Variants in LRRC51 observed in about 807,000 individuals in gnomAD.
LRRC51 encodes leucine rich repeat containing 51, also known as leucine-rich repeat-containing protein 51.
In LRRC51, 8 loss-of-function variants were observed where a neutral mutation model predicts 17.8. That is an observed-to-expected ratio of 0.45 (90% confidence interval 0.26 to 0.81). The LOEUF is 0.81. LRRC51 is among the 30% of genes least tolerant of loss of function. The pLI, the probability that LRRC51 is intolerant of heterozygous loss-of-function variation, is 0.17. For synonymous variants in LRRC51, 92 were observed against 96.0 expected (o/e 0.96, Z 0.24); for missense variants, 233 against 239.3 (o/e 0.97, Z 0.17).
At chr11:72,094,315 G>T in intron 4 of LRRC51, 1 of 201,652 alleles carries the variant, frequency 5.0e-6, no homozygotes, top group Non-Finnish European at 1.0e-5. Context: ...GAAAATACAT[G>T]AAAACCAACA....
In LRRC51 at chr11:72,096,814, G is replaced by A. The variant is rs1591171848; in HGVS notation, c.*1294G>A. 7.5e-7 allele frequency: 1 copy of A among 1,341,390 alleles called. No individual in the cohort carries two copies. Among genetic ancestry groups the A allele is most frequent in the Non-Finnish European group, 9.7e-7 (1 of 1,026,884 alleles). 83.1% of individuals were successfully genotyped at this position (1,341,390 alleles called of 1,614,324 possible). Reference sequence around the variant, plus strand: ...CTGAAACCAGCCCCCACTTCAATCAGATCAAAGTAATTCCATTCTGTTTTA... The same window carrying A: ...CTGAAACCAGCCCCCACTTCAATCAAATCAAAGTAATTCCATTCTGTTTTA... On this transcript the variant is annotated 3_prime_UTR_variant, in exon 6 of 6. Coordinates refer to ENST00000289488, the MANE Select transcript of LRRC51 (RefSeq NM_145309.6).
At chr11:72,083,541 C>T (rs899151469) in intron 1 of LRRC51, among the ~76,000 whole-genome samples, 1 of 152,076 alleles carries the variant, frequency 6.6e-6, no homozygotes, top group Admixed American at 6.6e-5. Context: ...TAAGCACCTA[C>T]TACTTGCCGG....
rs865854415 is a variant in LRRC51, at chr11:72,095,070, C to T, written c.411C>T (p.Asn137=). The stretch of plus-strand genomic sequence containing the variant: ...TCCGTAGCCTGACACTCCATGGGAA[C>T]CCCATGGAGGAAGAGAAAGGGTATA... ...PRLRSLTLHG[N]PMEEEKGYRQ... The change falls in exon 5 of 6, where the codon AAC becomes AAT. Residue 137 remains asparagine (N), a synonymous_variant. Coordinates refer to ENST00000289488, the MANE Select transcript of LRRC51 (RefSeq NM_145309.6). 1.9e-6 allele frequency: 3 copies of T among 1,613,778 alleles called. No individual in the cohort carries two copies. Among genetic ancestry groups the T allele is most frequent in the Non-Finnish European group, 2.5e-6 (3 of 1,179,894 alleles).
chr11:72,084,836 C>CAAAAAA (rs386374128), intron 1 of LRRC51, among the ~76,000 whole-genome samples: 1 of 101,714 alleles, frequency 9.8e-6, no homozygotes, highest in Non-Finnish European at 1.8e-5. Flanking sequence ...GACCTTGTCT[C>CAAAAAA]AAAAAAAAAA....
rs756909465 is a variant in LRRC51, at chr11:72,093,706, G to C, written c.288+5G>C. On this transcript the variant is annotated splice_donor_5th_base_variant and intron_variant, in intron 4 of 5. Transcript: ENST00000289488. Reference sequence around the variant, plus strand: ...GACCTGACTTCCATTGACCCTGTGAGTTCCTAACAGTAGGAATCCAGTCAG... The same window carrying C: ...GACCTGACTTCCATTGACCCTGTGACTTCCTAACAGTAGGAATCCAGTCAG... The C allele has an allele frequency of 6.2e-7, 1 of 1,614,098 alleles. No homozygotes were observed. The highest frequency in any genetic ancestry group is 1.3e-5 in the African/African-American group (1 of 75,040).
At chr11:72,082,553 T>C (rs1297642121) in intron 1 of LRRC51, among the ~76,000 whole-genome samples, 6 of 152,196 alleles carry the variant, frequency 3.9e-5, no homozygotes, top group Non-Finnish European at 8.8e-5. Context: ...TCTACATTTC[T>C]GAAATTGAAA....
Position 72,096,640 on chromosome 11 carries a change from T to A in LRRC51, c.*1120T>A, listed in dbSNP as rs1945224551. 6.5e-6 allele frequency: 10 copies of A among 1,526,828 alleles called. No homozygotes were observed. The highest frequency in any genetic ancestry group is 8.8e-6 in the Non-Finnish European group (10 of 1,136,860). 94.6% of individuals were successfully genotyped at this position (1,526,828 alleles called of 1,614,324 possible). On this transcript the variant is annotated 3_prime_UTR_variant, in exon 6 of 6. Transcript: ENST00000289488. Reference sequence around the variant, plus strand: ...TTACCACACAGCCTTGGGAAATTTATCTAACTCTCTGGGCCCCTTTGTACT... The same window carrying A: ...TTACCACACAGCCTTGGGAAATTTAACTAACTCTCTGGGCCCCTTTGTACT...
rs1459274646 is a variant in LRRC51, at chr11:72,095,928, C to CG, written c.*409dup. ...TGCGATCTCAGCTCACTGCAACCTC[C>CG]GCCTGCTGGGTTCAAGCGATTCTCC... On this transcript the variant is annotated 3_prime_UTR_variant, in exon 6 of 6. Coordinates refer to ENST00000289488, the MANE Select transcript of LRRC51 (RefSeq NM_145309.6). 3.6e-6 allele frequency: 1 copy of CG among 275,558 alleles called. No individual in the cohort carries two copies. Among genetic ancestry groups the CG allele is most frequent in the African/African-American group, 2.2e-5 (1 of 45,024 alleles). The allele number at this position is 275,558 out of a possible 1,614,324, so 17.1% of individuals were successfully genotyped here. A position where few individuals can be genotyped will look rare whatever the true frequency, so the allele number is the denominator to read the frequency against.
chr11:72,094,113 C>T (rs1263529129), intron 4 of LRRC51, among the ~76,000 whole-genome samples: 1 of 151,930 alleles, frequency 6.6e-6, no homozygotes, highest in Non-Finnish European at 1.5e-5. Flanking sequence ...GGTGAAACCC[C>T]GCCTCTACTA....
Position 72,095,082 on chromosome 11 carries a change from A to G in LRRC51, c.423A>G (p.Glu141=), listed in dbSNP as rs1945101596. The G allele has an allele frequency of 5.6e-6, 9 of 1,613,562 alleles. No homozygotes were observed. The highest frequency in any genetic ancestry group is 6.8e-6 in the Non-Finnish European group (8 of 1,179,670). The part of the protein sequence containing the change: ...SLTLHGNPME[E]EKGYRQYVLC... ...CACTCCATGGGAACCCCATGGAGGA[A>G]GAGAAAGGGTATAGGTAAGTGCCCT... Residue 141 remains glutamate, a synonymous_variant, in exon 5 of 6, where the codon GAA becomes GAG. Coordinates refer to ENST00000289488, the MANE Select transcript of LRRC51 (RefSeq NM_145309.6).
intron 1 of LRRC51, chr11:72,086,233 T>A (rs1175113527): frequency 1.7e-6 from 1 of 589,610 alleles, no homozygotes; most frequent in East Asian, 2.8e-5. Flanking sequence ...ATTCACTAAG[T>A]GGGCAGCTGT....
intron 1 of LRRC51, 50 bp from the exon 2 acceptor site, chr11:72,088,247 C>G: frequency 1.6e-6 from 1 of 644,430 alleles, no homozygotes; most frequent in South Asian, 1.8e-5. Flanking sequence ...TAAGACAATT[C>G]ACACCACATT....
At position 72,089,122 on chromosome 11, in the gene LRRC51, G is replaced by A. The variant is rs766964686; in HGVS notation, c.39G>A (p.Glu13=). ...ACTATATGAACACTTCGGTACAGGA[G>A]CCCCCTCTTGACTACTCCTTCAGAA... The part of the protein sequence containing the change: ...KRDYMNTSVQ[E]PPLDYSFRSI... Residue 13 remains glutamate, a synonymous_variant, in exon 3 of 6, where the codon GAG becomes GAA. Transcript: ENST00000289488. 11 of 1,613,978 alleles carry A rather than the reference G, an allele frequency of 6.8e-6. No homozygotes were observed. The South Asian group carries it at 1.2e-4, about 18-fold the overall frequency.
At chr11:72,094,776 G>A (rs918651895) in intron 4 of LRRC51, 172 bp from the exon 5 acceptor site, 1 of 1,271,266 alleles carries the variant, frequency 7.9e-7, no homozygotes, top group Non-Finnish European at 1.1e-6. Flanking sequence ...TGCCCTGTAT[G>A]TCTTAAAACA....
At chr11:72,089,520 T>A (rs1591146918) in intron 3 of LRRC51, 1 of 1,247,318 alleles carries the variant, frequency 8.0e-7, no homozygotes, top group East Asian at 5.3e-5. Flanking sequence ...GAAGCCAGTC[T>A]ATCAGCCAAT....
chr11:72,089,198 A>G (rs376991188), intron 3 of LRRC51, 33 bp downstream of exon 3: 30 of 1,613,950 alleles, frequency 1.9e-5, no homozygotes, highest in African/African-American at 4.0e-5. Flanking sequence ...TCCACTCACT[A>G]AGGCAGCAGG....
At chr11:72,090,008 T>C (rs528071410) in intron 3 of LRRC51, among the ~76,000 whole-genome samples, 72 of 152,364 alleles carry the variant, frequency 4.7e-4, no homozygotes, top group African/African-American at 1.6e-3. Flanking sequence ...CTCAGAACTA[T>C]TATTTGGCTT....
chr11:72,088,483 TG>T, intron 2 of LRRC51, 103 bp downstream of exon 2: 5 of 688,702 alleles, frequency 7.3e-6, no homozygotes, highest in Non-Finnish European at 1.3e-5. Flanking sequence ...GGAAAGGTAA[TG>T]GGGCTGGCAG....
chr11:72,093,471 C>A, intron 3 of LRRC51, 25 bp from the exon 4 acceptor site: 3 of 1,594,934 alleles, frequency 1.9e-6, no homozygotes, highest in Non-Finnish European at 2.6e-6. Flanking sequence ...AAAGATGATA[C>A]CCAAGTCTCA....
Sources: allele counts gnomAD v4.1 joint callset (sites outside exome capture counted in the v4.1 genomes callset), GRCh38; gene constraint gnomAD v4.1.1; transcripts MANE v1.5; gene names NCBI Gene and HGNC (gene_info 2026-07-23, HGNC 2026-07-21).